NF2: variants seen among roughly 807,000 people sequenced by gnomAD.
NF2 encodes the protein NF2, moesin-ezrin-radixin like (MERLIN) tumor suppressor.
Under a neutral mutation model 83.7 loss-of-function variants are expected in NF2, and 8 were observed. That is an observed-to-expected ratio of 0.10 (90% confidence interval 0.06 to 0.17). The LOEUF (loss-of-function observed/expected upper bound fraction) is 0.17. Among genes scored for constraint, NF2 ranks in the 10% least tolerant of loss-of-function variants. The pLI is 1.00. For missense variants in NF2, 533 were observed against 744.4 expected (o/e 0.72, Z 3.31); for synonymous variants, 266 against 269.6 (o/e 0.99, Z 0.13).
At chr22:29,621,275 A>G (rs1367622098) in intron 1 of NF2, among the ~76,000 whole-genome samples, 1 of 152,202 alleles carries the variant, frequency 6.6e-6, no homozygotes, top group Non-Finnish European at 1.5e-5. Flanking sequence ...CTCTGCCTCT[A>G]ACCAGCTTTG....
chr22:29,670,518 T>C (rs1285893290), intron 10 of NF2, among the ~76,000 whole-genome samples: 1 of 151,754 alleles, frequency 6.6e-6, no homozygotes, highest in Non-Finnish European at 1.5e-5. Context: ...TGTGTGTGTG[T>C]GTGTGTGTGT....
At chr22:29,625,229 ATCT>A (rs771022380) in intron 1 of NF2, among the ~76,000 whole-genome samples, 3 of 152,028 alleles carry the variant, frequency 2.0e-5, no homozygotes, top group Admixed American at 6.6e-5. Context: ...ACCCGGCCAG[ATCT>A]TCTTTTTTGT....
intron 4 of NF2, among the ~76,000 whole-genome samples, chr22:29,645,374 A>G (rs1222267849): frequency 6.6e-6 from 1 of 152,230 alleles, no homozygotes; most frequent in Non-Finnish European, 1.5e-5. Flanking sequence ...GCAGAAGGGT[A>G]GAATTCATGG....
chr22:29,609,538 C>G, intron 1 of NF2: 1 of 234,354 alleles, frequency 4.3e-6, no homozygotes. Flanking sequence ...TTTATGAAAT[C>G]TCCTTTTTAC....
chr22:29,652,513 G>C (rs989639971), intron 4 of NF2, among the ~76,000 whole-genome samples: 1 of 152,056 alleles, frequency 6.6e-6, no homozygotes, highest in Non-Finnish European at 1.5e-5. Context: ...ATTTGGTCAG[G>C]CTGCTCTCAA....
At chr22:29,644,409 T>C (rs1307751282) in intron 4 of NF2, among the ~76,000 whole-genome samples, 109 of 134,076 alleles carry the variant, frequency 8.1e-4, no homozygotes, top group African/African-American at 3.0e-3. Flanking sequence ...GGATGGCGGC[T>C]GGGCAGAGAC....
intron 10 of NF2, among the ~76,000 whole-genome samples, chr22:29,671,549 G>T (rs1275070490): frequency 6.6e-6 from 1 of 152,024 alleles, no homozygotes. Context: ...AAAAAAGAAT[G>T]CCTTTTTCTA....
At chr22:29,631,293 C>T (rs1023431162) in intron 1 of NF2, among the ~76,000 whole-genome samples, 1 of 152,188 alleles carries the variant, frequency 6.6e-6, no homozygotes, top group Non-Finnish European at 1.5e-5. Flanking sequence ...AGCCCCTTCA[C>T]CACAGCTCAA....
chr22:29,624,209 TTTTG>T lies in NF2; in HGVS notation c.115-12530_115-12527del, dbSNP rs566242723. Among the ~76,000 whole-genome samples, 356 of 152,162 alleles carry T rather than the reference TTTTG, an allele frequency of 2.3e-3. 2 individuals are homozygous for T. The highest frequency in any genetic ancestry group is 8.1e-3 in the African/African-American group (336 of 41,494). On this transcript the variant is annotated intron_variant, in intron 1 of 15. Coordinates refer to ENST00000338641, the MANE Select transcript of NF2 (RefSeq NM_000268.4). ...TATCTTTTTTATAGGGTTTTTTTTGTTTTGTTTGTTTGTTTTTAGACGGAATCTC... is the reference window on the plus strand; with the variant it reads ...TATCTTTTTTATAGGGTTTTTTTTGTTTTGTTTGTTTTTAGACGGAATCTC...
Position 29,695,306 on chromosome 22 carries a change from G to A in NF2, c.*504G>A, listed in dbSNP as rs2067519542. On this transcript the variant is annotated 3_prime_UTR_variant, in exon 16 of 16. Transcript: ENST00000338641. The surrounding 1 kb of genome is among the most constrained non-coding windows in gnomAD (Gnocchi z 5.4). Reference sequence around the variant, plus strand: ...CGGATCCCAGGCCAGCACGCCTGCCGGCTTCTCATCGTCAGGGAGCCCGCC... The same window carrying A: ...CGGATCCCAGGCCAGCACGCCTGCCAGCTTCTCATCGTCAGGGAGCCCGCC... The A allele has an allele frequency of 7.3e-6, 2 of 275,270 alleles. No individual in the cohort carries two copies. The highest frequency in any genetic ancestry group is 5.0e-5 in the East Asian group (1 of 20,018). The allele number at this position is 275,270 out of a possible 1,614,324, so 17.1% of individuals were successfully genotyped here. A position where few individuals can be genotyped will look rare whatever the true frequency, so the allele number is the denominator to read the frequency against.
chr22:29,682,216 T>C (rs147511432), intron 15 of NF2, among the ~76,000 whole-genome samples: 86 of 152,100 alleles, frequency 5.7e-4, no homozygotes, highest in Non-Finnish European at 8.8e-5. Context: ...CCTCTCTCAT[T>C]TGGGCCAAGC....
chr22:29,674,810 G>A (rs2066910562), intron 12 of NF2, 26 bp from the exon 13 acceptor site: 1 of 1,548,576 alleles, frequency 6.5e-7, no homozygotes, highest in African/African-American at 1.4e-5. Flanking sequence ...CTTCTGTGAA[G>A]CTGACATCTC....
chr22:29,676,805 A>G (rs4820811), intron 13 of NF2, among the ~76,000 whole-genome samples: 1,825 of 152,324 alleles, frequency 0.012, 19 homozygotes, highest in Middle Eastern at 0.044. Context: ...AAGTCATACC[A>G]GTTCATGCTC....
rs1010720236 is a variant in NF2, at chr22:29,695,869, G to C, written c.*1067G>C. ...TTTGCTGTTGCCCTTGTCCCTCTTC[G>C]GGCCCTGAATTTTCTGTTCCCTGGG... is the stretch of plus-strand genomic sequence containing the variant. On this transcript the variant is annotated 3_prime_UTR_variant, in exon 16 of 16. Transcript: ENST00000338641. The surrounding 1 kb of genome is among the most constrained non-coding windows in gnomAD (Gnocchi z 5.4). The C allele has an allele frequency of 1.3e-5, 3 of 233,250 alleles. No homozygotes were observed. Among genetic ancestry groups the C allele is most frequent in the African/African-American group, 6.6e-5 (3 of 45,228 alleles). The allele number at this position is 233,250 out of a possible 1,614,324, so 14.4% of individuals were successfully genotyped here. A position where few individuals can be genotyped will look rare whatever the true frequency, so the allele number is the denominator to read the frequency against.
chr22:29,623,334 A>T (rs2065263846), intron 1 of NF2, among the ~76,000 whole-genome samples: 1 of 152,134 alleles, frequency 6.6e-6, no homozygotes, highest in African/African-American at 2.4e-5. Context: ...AGATGCGATG[A>T]AGAGCTTTGA....
intron 8 of NF2, among the ~76,000 whole-genome samples, chr22:29,663,455 C>T (rs900983410): frequency 6.6e-6 from 1 of 152,244 alleles, no homozygotes; most frequent in African/African-American, 2.4e-5. Context: ...GGTAGTTATG[C>T]ATGACAGCCA....
intron 4 of NF2, among the ~76,000 whole-genome samples, chr22:29,650,056 CA>C (rs1410468929): frequency 2.6e-5 from 4 of 151,986 alleles, no homozygotes; most frequent in African/African-American, 7.3e-5. Flanking sequence ...ATATAACTTA[CA>C]AAGATTAAAA....
chr22:29,609,546 TA>T lies in NF2; in HGVS notation c.114+5435del, dbSNP rs1408052222. On this transcript the variant is annotated intron_variant, in intron 1 of 15. Coordinates refer to ENST00000338641, the MANE Select transcript of NF2 (RefSeq NM_000268.4). ...ATGTTTGTTTATGAAATCTCCTTTT[TA>T]CTGGAAAACAGGAATATTGACTACC... is the stretch of plus-strand genomic sequence containing the variant. 3 of 232,662 alleles carry T rather than the reference TA, an allele frequency of 1.3e-5. No individual in the cohort carries two copies. In the Admixed American group the frequency reaches 1.6e-4, roughly 13 times the overall value. The allele number at this position is 232,662 out of a possible 1,614,324, so 14.4% of individuals were successfully genotyped here. A position where few individuals can be genotyped will look rare whatever the true frequency, so the allele number is the denominator to read the frequency against.
intron 1 of NF2, among the ~76,000 whole-genome samples, chr22:29,616,745 GAAAA>G (rs76401799): frequency 1.2e-5 from 1 of 85,700 alleles, no homozygotes; most frequent in Non-Finnish European, 2.5e-5. Flanking sequence ...TCCGTCTCAA[GAAAA>G]AAAAAAAAAA....
Sources: allele counts gnomAD v4.1 joint callset (sites outside exome capture counted in the v4.1 genomes callset), GRCh38; gene constraint gnomAD v4.1.1; non-coding constraint Gnocchi (gnomAD v3.1); transcripts MANE v1.5; gene names NCBI Gene and HGNC (gene_info 2026-07-23, HGNC 2026-07-21).